ZNF516: variants seen among roughly 807,000 people sequenced by gnomAD.
The protein encoded by ZNF516 is zinc finger protein 516.
A neutral mutation model predicts 79.7 loss-of-function variants in ZNF516; 19 were observed. That is an observed-to-expected ratio of 0.24 (90% CI 0.17 to 0.35). The LOEUF is 0.35. ZNF516 is among the 10% of genes least tolerant of loss of function. The pLI is 1.00. For missense variants in ZNF516, 1,678 were observed against 1,679.5 expected (o/e 1.00, Z 0.02); for synonymous variants, 877 against 739.5 (o/e 1.19, Z -3.02).
intron 5 of ZNF516, 64 bp from the exon 6 acceptor site, chr18:76,370,659 A>C (rs553141376): frequency 2.1e-5 from 28 of 1,349,116 alleles, no homozygotes; most frequent in East Asian, 2.7e-5. Context: ...ACATTAAATG[A>C]GTCCATTACA....
At chr18:76,433,527 G>A (rs2075689916) in intron 3 of ZNF516, among the ~76,000 whole-genome samples, 1 of 152,196 alleles carries the variant, frequency 6.6e-6, no homozygotes, top group African/African-American at 2.4e-5. Flanking sequence ...CACCCTGGGT[G>A]CCGTACCGCG....
chr18:76,441,075 G>A (rs1298271603), intron 3 of ZNF516, among the ~76,000 whole-genome samples, 170 bp downstream of exon 3: 1 of 152,182 alleles, frequency 6.6e-6, no homozygotes, highest in Non-Finnish European at 1.5e-5. Flanking sequence ...AAGGCCACCC[G>A]GGTGTGGAGT....
chr18:76,386,004 CT>C (rs1386390380), intron 3 of ZNF516: 1 of 152,264 alleles, frequency 6.6e-6, no homozygotes, highest in Non-Finnish European at 1.5e-5. Context: ...CTGCAAGACA[CT>C]TTTCTTGCCT....
upstream of ZNF516, chr18:76,496,253 G>A (rs961810261): frequency 3.1e-6 from 4 of 1,276,712 alleles, no homozygotes; most frequent in Admixed American, 9.3e-5. Flanking sequence ...GGCCTGCGGA[G>A]GGGTAACACT....
chr18:76,382,867 A>G (rs2074915780), intron 3 of ZNF516, among the ~76,000 whole-genome samples: 1 of 152,054 alleles, frequency 6.6e-6, no homozygotes, highest in South Asian at 2.1e-4. Flanking sequence ...CCAACATGGC[A>G]AAACCTCGTC....
At chr18:76,398,880 G>C (rs546426466) in intron 3 of ZNF516, among the ~76,000 whole-genome samples, 3 of 152,036 alleles carry the variant, frequency 2.0e-5, no homozygotes, top group African/African-American at 7.2e-5. Flanking sequence ...TCCAAATTCC[G>C]TGTCTTTTAC....
chr18:76,370,405 G>A (rs2074683068), intron 6 of ZNF516, 123 bp downstream of exon 6: 1 of 957,438 alleles, frequency 1.0e-6, no homozygotes, highest in Admixed American at 3.0e-5. Flanking sequence ...AAAGCATATA[G>A]GATTATTTAC....
At chr18:76,449,325 C>T (rs17270196) in intron 2 of ZNF516, among the ~76,000 whole-genome samples, 17,673 of 152,306 alleles carry the variant, frequency 0.12, 1,295 homozygotes, top group Non-Finnish European at 0.16. Context: ...CCAACAGCCT[C>T]CCAAGTACCC....
At chr18:76,401,005 ATTCC>A (rs2075212077) in intron 3 of ZNF516, among the ~76,000 whole-genome samples, 1 of 152,178 alleles carries the variant, frequency 6.6e-6, no homozygotes, top group African/African-American at 2.4e-5. Context: ...TTCAGACTTC[ATTCC>A]TTCGTTTTCC....
intron 1 of ZNF516, chr18:76,492,926 G>C: frequency 1.0e-6 from 1 of 985,584 alleles, no homozygotes; most frequent in Non-Finnish European, 1.2e-6. Flanking sequence ...CTGCGGATGC[G>C]CGGGGCTGGC....
intron 2 of ZNF516, among the ~76,000 whole-genome samples, chr18:76,458,259 C>T (rs553174827): frequency 5.3e-5 from 8 of 152,278 alleles, no homozygotes; most frequent in South Asian, 2.1e-4. Flanking sequence ...TTTCATTTTA[C>T]GTCCTTTCAC....
intron 1 of ZNF516, among the ~76,000 whole-genome samples, chr18:76,483,525 C>T (rs1568329811): frequency 6.6e-6 from 1 of 152,174 alleles, no homozygotes; most frequent in Non-Finnish European, 1.5e-5. Context: ...ATCTGCCGCA[C>T]CACACTGAGA....
chr18:76,495,670 G>A (rs147168731), upstream of ZNF516: 4 of 1,174,658 alleles, frequency 3.4e-6, no homozygotes, highest in Non-Finnish European at 4.3e-6. Flanking sequence ...GGCCGTTTCC[G>A]CGCGCACACG....
At chr18:76,395,525 C>A (rs1026995308) in intron 3 of ZNF516, among the ~76,000 whole-genome samples, 10 of 152,110 alleles carry the variant, frequency 6.6e-5, no homozygotes, top group African/African-American at 2.4e-4. Flanking sequence ...TAAGGACCTG[C>A]AAATAAGAAC....
intron 3 of ZNF516, among the ~76,000 whole-genome samples, chr18:76,407,571 C>G (rs1001224466): frequency 6.6e-6 from 1 of 152,194 alleles, no homozygotes; most frequent in Admixed American, 6.5e-5. Context: ...ACAACACCGC[C>G]CTCTGAACAC....
Position 76,378,869 on chromosome 18 carries a change from C to T in ZNF516, c.3245G>A (p.Gly1082Glu), listed in dbSNP as rs770292667. The T allele has an allele frequency of 6.2e-7, 1 of 1,613,256 alleles. No homozygotes were observed. The highest frequency in any genetic ancestry group is 2.2e-5 in the East Asian group (1 of 44,872). Residue 1082 changes from glycine (G) to glutamate (E), a missense_variant, in exon 4 of 7, where the codon GGG becomes GAG. By Grantham distance (98) the Gly-to-Glu change is moderately conservative (BLOSUM62 -2). Around this residue, in one of 5 missense-constraint regions of ZNF516, gnomAD observed 1,294 missense variants for 1,248.3 expected, o/e 1.04. Coordinates refer to ENST00000443185, the MANE Select transcript of ZNF516 (RefSeq NM_014643.4). ...GCACATCTTACCTCTGTGCTCCAACCCAGGGCCGCTGACACCCCATCCCTG... is the reference window on the plus strand; with the variant it reads ...GCACATCTTACCTCTGTGCTCCAACTCAGGGCCGCTGACACCCCATCCCTG... ...LYQGWGVSGPGLEHRGTLRTQ... is the reference protein window; with the variant it reads ...LYQGWGVSGPELEHRGTLRTQ...
chr18:76,384,598 C>T (rs2074953608), intron 3 of ZNF516, among the ~76,000 whole-genome samples: 1 of 148,282 alleles, frequency 6.7e-6, no homozygotes, highest in African/African-American at 2.5e-5. Flanking sequence ...TCCACAGCTC[C>T]CATCCCCCAC....
At chr18:76,436,623 C>G (rs2075740731) in intron 3 of ZNF516, among the ~76,000 whole-genome samples, 1 of 152,136 alleles carries the variant, frequency 6.6e-6, no homozygotes, top group Non-Finnish European at 1.5e-5. Context: ...CCTGCTCTAC[C>G]TTGAAGAAAC....
At chr18:76,430,851 A>G (rs990351592) in intron 3 of ZNF516, among the ~76,000 whole-genome samples, 1 of 152,224 alleles carries the variant, frequency 6.6e-6, no homozygotes, top group African/African-American at 2.4e-5. Flanking sequence ...ATGTCTTACT[A>G]ATCTGTGAAA....
Sources: allele counts gnomAD v4.1 joint callset (sites outside exome capture counted in the v4.1 genomes callset), GRCh38; gene constraint gnomAD v4.1.1; regional missense constraint gnomAD v4.1.1; transcripts MANE v1.5; gene names NCBI Gene and HGNC (gene_info 2026-07-23, HGNC 2026-07-21).